Variants in GRIK2 observed in about 807,000 individuals in gnomAD.
GRIK2 encodes glutamate receptor ionotropic, kainate 2.
A neutral mutation model predicts 100.3 loss-of-function variants in GRIK2; 32 were observed. That is an observed-to-expected ratio of 0.32 (90% CI 0.24 to 0.43). The LOEUF (loss-of-function observed/expected upper bound fraction) is 0.43. Ranked by LOEUF, GRIK2 falls within the 20% of genes least tolerant of loss-of-function variation. The pLI is 1.00. For missense variants in GRIK2, 843 were observed against 1,114.9 expected (o/e 0.76, Z 3.47); for synonymous variants, 417 against 389.4 (o/e 1.07, Z -0.83).
intron 2 of GRIK2, among the ~76,000 whole-genome samples, chr6:101,459,482 T>C (rs537785198): frequency 6.6e-6 from 1 of 152,336 alleles, no homozygotes; most frequent in African/African-American, 2.4e-5. Context: ...AGTATAGTTC[T>C]AGTCATAGAC....
intron 14 of GRIK2, among the ~76,000 whole-genome samples, chr6:101,994,418 G>T (rs1794543203): frequency 6.6e-6 from 1 of 151,646 alleles, no homozygotes; most frequent in African/African-American, 2.4e-5. Flanking sequence ...CAATAATAGT[G>T]AATAATTTGT....
chr6:101,528,454 G>T (rs1212852506), intron 2 of GRIK2, among the ~76,000 whole-genome samples: 1 of 152,152 alleles, frequency 6.6e-6, no homozygotes, highest in Non-Finnish European at 1.5e-5. Flanking sequence ...GCTATGAAAT[G>T]AGCTAGCAAT....
chr6:101,722,825 C>T (rs895304243), intron 7 of GRIK2, among the ~76,000 whole-genome samples: 1 of 151,884 alleles, frequency 6.6e-6, no homozygotes, highest in South Asian at 2.1e-4. Context: ...AAGTCTGGGG[C>T]CAAAGCTGAC....
At chr6:101,400,488 C>T (rs1327730402) in intron 2 of GRIK2, among the ~76,000 whole-genome samples, 2 of 152,212 alleles carry the variant, frequency 1.3e-5, no homozygotes, top group African/African-American at 4.8e-5. Flanking sequence ...ATTGTAGGCA[C>T]TTCCTCTGAC....
intron 11 of GRIK2, among the ~76,000 whole-genome samples, chr6:101,877,663 CTA>C (rs771422092): frequency 6.6e-6 from 1 of 151,778 alleles, no homozygotes; most frequent in Non-Finnish European, 1.5e-5. Flanking sequence ...TTTGAATAGA[CTA>C]AGATTCAGTA....
intron 9 of GRIK2, among the ~76,000 whole-genome samples, chr6:101,807,772 T>C (rs904623461): frequency 1.3e-5 from 2 of 151,932 alleles, no homozygotes; most frequent in South Asian, 2.1e-4. Flanking sequence ...TTTGGGTAGA[T>C]TGCCTGCTGA....
In GRIK2 at chr6:101,581,268, G is replaced by A. The variant is rs1211015905; in HGVS notation, c.116-40681G>A. Among the ~76,000 whole-genome samples, 11 of 148,756 alleles carry A rather than the reference G, an allele frequency of 7.4e-5. 1 individual carries two copies. The South Asian group carries it at 1.1e-3, about 14-fold the overall frequency. ...TGTATATATACACATATATCTACACGTGTATACATGTATACACACGTGTGT... is the reference window on the plus strand; with the variant it reads ...TGTATATATACACATATATCTACACATGTATACATGTATACACACGTGTGT... On this transcript the variant is annotated intron_variant, in intron 2 of 16. Coordinates refer to ENST00000369134, the MANE Select transcript of GRIK2 (RefSeq NM_021956.5).
chr6:101,822,480 G>A (rs527305581), intron 10 of GRIK2, among the ~76,000 whole-genome samples: 11 of 152,062 alleles, frequency 7.2e-5, no homozygotes, highest in South Asian at 2.1e-4. Flanking sequence ...ATCCTAAAGC[G>A]GGAAAGGGCT....
intron 2 of GRIK2, among the ~76,000 whole-genome samples, chr6:101,472,701 A>G (rs1490577697): frequency 1.3e-5 from 2 of 151,800 alleles, no homozygotes; most frequent in African/African-American, 4.8e-5. Flanking sequence ...ACATAATTAC[A>G]ATTAGCTGAT....
intron 15 of GRIK2, among the ~76,000 whole-genome samples, chr6:102,047,463 T>G (rs1334194461): frequency 1.3e-5 from 2 of 152,064 alleles, no homozygotes; most frequent in Non-Finnish European, 2.9e-5. Context: ...AAAAATTTTC[T>G]TCCTGGCCAG....
At chr6:101,760,594 A>ATTTATTATACATAATTAATTATATTTAAT (rs1342607421) in intron 7 of GRIK2, among the ~76,000 whole-genome samples, 1 of 89,958 alleles carries the variant, frequency 1.1e-5, no homozygotes, top group East Asian at 7.4e-4. Flanking sequence ...ATAATTATAT[A>ATTTATTATACATAATTAATTATATTTAAT]TAATTATATA....
chr6:101,964,843 C>T (rs773087402), intron 14 of GRIK2, among the ~76,000 whole-genome samples: 5 of 152,122 alleles, frequency 3.3e-5, no homozygotes, highest in Non-Finnish European at 7.4e-5. Flanking sequence ...AGTTCTCTGT[C>T]TCCAGGTCAT....
rs752152172 is a variant in GRIK2, at chr6:101,715,541, C to T, written c.951+29188C>T. On this transcript the variant is annotated intron_variant, in intron 7 of 16. Transcript: ENST00000369134. Reference sequence around the variant, plus strand: ...ACTGTCAGTATTTTAGTTTGGTCTACGTCTAGGGACTTAAAGATCAAACCA... The same window carrying T: ...ACTGTCAGTATTTTAGTTTGGTCTATGTCTAGGGACTTAAAGATCAAACCA... Among the ~76,000 whole-genome samples, 5 of 151,844 alleles carry T rather than the reference C, an allele frequency of 3.3e-5. No homozygotes were observed. The South Asian group carries it at 6.2e-4, about 19-fold the overall frequency.
chr6:102,048,532 A>T (rs1287777607), intron 15 of GRIK2, among the ~76,000 whole-genome samples: 1 of 152,238 alleles, frequency 6.6e-6, no homozygotes, highest in East Asian at 1.9e-4. Context: ...TATTTAAATG[A>T]GTAAGGGACC....
chr6:101,698,007 A>T (rs1772618440), intron 7 of GRIK2, among the ~76,000 whole-genome samples: 1 of 152,078 alleles, frequency 6.6e-6, no homozygotes, highest in Admixed American at 6.6e-5. Context: ...GGATCTTTTG[A>T]TCCCTGTTTA....
At chr6:101,532,158 C>T (rs1487432419) in intron 2 of GRIK2, among the ~76,000 whole-genome samples, 1 of 151,870 alleles carries the variant, frequency 6.6e-6, no homozygotes, top group Admixed American at 6.6e-5. Context: ...CCACTTACTG[C>T]TCCAACTACA....
chr6:101,665,076 T>C (rs576389617), intron 4 of GRIK2, among the ~76,000 whole-genome samples: 2 of 152,262 alleles, frequency 1.3e-5, no homozygotes, highest in East Asian at 3.9e-4. Flanking sequence ...TTCCTTAACA[T>C]TTCTCTGCTG....
intron 7 of GRIK2, among the ~76,000 whole-genome samples, chr6:101,688,509 T>C (rs1398787675): frequency 1.3e-5 from 2 of 151,930 alleles, no homozygotes; most frequent in East Asian, 1.9e-4. Context: ...TTGGAGAGAA[T>C]TAACCTCTAC....
intron 14 of GRIK2, 68 bp from the exon 15 acceptor site, chr6:102,035,273 G>T: frequency 1.3e-6 from 1 of 768,558 alleles, no homozygotes. Context: ...TTGTGTCTAA[G>T]CATTATAGGA....
Sources: gnomAD v4.1 joint callset for allele counts (sites outside exome capture counted in the v4.1 genomes callset) on GRCh38, gnomAD v4.1.1 for gene constraint, MANE v1.5 for transcripts, NCBI Gene and HGNC (gene_info 2026-07-23, HGNC 2026-07-21) for gene names.